Variants in CSTPP1 observed in about 807,000 individuals in gnomAD.
The protein encoded by CSTPP1 is UPF0705 protein C11orf49.
At chr11:46,945,529 C>T in the CSTPP1 span, among the ~76,000 whole-genome samples, 11 of 152,002 alleles carry the variant, frequency 7.2e-5, no homozygotes, top group East Asian at 1.9e-4. Flanking sequence ...GCATGAGAAT[C>T]GCTTGAACCC....
At chr11:46,956,676 AT>A in the CSTPP1 span, among the ~76,000 whole-genome samples, 3 of 150,936 alleles carry the variant, frequency 2.0e-5, no homozygotes, top group East Asian at 1.9e-4. Context: ...ATTAAAAACA[AT>A]TTTTTTTTGC....
At chr11:46,952,035 G>A in the CSTPP1 span, among the ~76,000 whole-genome samples, 2 of 152,124 alleles carry the variant, frequency 1.3e-5, no homozygotes, top group African/African-American at 4.8e-5. Flanking sequence ...ATTAGGGTGA[G>A]GGCTGAGCTG....
chr11:47,105,885 A>G, the CSTPP1 span, among the ~76,000 whole-genome samples: 1 of 152,380 alleles, frequency 6.6e-6, no homozygotes, highest in Non-Finnish European at 1.5e-5. Flanking sequence ...GTTCCCTGGA[A>G]GTAGAATCAG....
chr11:46,950,357 T>G, the CSTPP1 span, among the ~76,000 whole-genome samples: 2 of 151,614 alleles, frequency 1.3e-5, no homozygotes, highest in East Asian at 4.0e-4. Context: ...GTATTTTTAG[T>G]AGAGACGGAG....
At chr11:47,035,129 AGCTGCAGCAACT>A in the CSTPP1 span, among the ~76,000 whole-genome samples, 3 of 152,234 alleles carry the variant, frequency 2.0e-5, no homozygotes, top group African/African-American at 4.8e-5. Flanking sequence ...CTGCTGATGT[AGCTGCAGCAACT>A]GCTTCATGAA....
At chr11:47,141,972 C>T in the CSTPP1 span, among the ~76,000 whole-genome samples, 1 of 141,902 alleles carries the variant, frequency 7.0e-6, no homozygotes, top group Non-Finnish European at 1.5e-5. Context: ...CGACCAGGTG[C>T]AGTGGCTTAC....
At chr11:47,084,828 A>G in the CSTPP1 span, among the ~76,000 whole-genome samples, 1 of 152,088 alleles carries the variant, frequency 6.6e-6, no homozygotes, top group Non-Finnish European at 1.5e-5. Context: ...TTGCATTTCC[A>G]TATAAAATTT....
the CSTPP1 span, among the ~76,000 whole-genome samples, chr11:46,995,922 G>A: frequency 6.6e-6 from 1 of 152,180 alleles, no homozygotes; most frequent in Admixed American, 6.5e-5. Context: ...AAGTCTCTTT[G>A]TAGGTCTCTA....
At chr11:47,032,723 G>C in the CSTPP1 span, among the ~76,000 whole-genome samples, 2 of 152,006 alleles carry the variant, frequency 1.3e-5, no homozygotes, top group African/African-American at 4.8e-5. Flanking sequence ...CTGTGAATTG[G>C]ACAAAAGGAT....
the CSTPP1 span, among the ~76,000 whole-genome samples, chr11:46,990,293 A>G: frequency 6.6e-6 from 1 of 152,170 alleles, no homozygotes; most frequent in Non-Finnish European, 1.5e-5. Flanking sequence ...CAGCCTTGCC[A>G]GCATCTGTGT....
At chr11:47,161,538 C>G in the CSTPP1 span, 1 of 1,614,166 alleles carries the variant, frequency 6.2e-7, no homozygotes, top group Non-Finnish European at 8.5e-7. Flanking sequence ...TCCCGGACCC[C>G]TCCCCGGGTT....
At chr11:46,943,814 G>A in the CSTPP1 span, among the ~76,000 whole-genome samples, 1 of 152,036 alleles carries the variant, frequency 6.6e-6, no homozygotes, top group Non-Finnish European at 1.5e-5. Context: ...CTTGAGCCCA[G>A]GAGTTTGAGA....
At chr11:47,022,026 A>T in the CSTPP1 span, among the ~76,000 whole-genome samples, 1 of 149,942 alleles carries the variant, frequency 6.7e-6, no homozygotes, top group African/African-American at 2.4e-5. Context: ...TCTCTCAGCC[A>T]CATATATGGT....
chr11:46,951,385 C>G, the CSTPP1 span, among the ~76,000 whole-genome samples: 158 of 151,244 alleles, frequency 1.0e-3, no homozygotes, highest in Non-Finnish European at 1.9e-3. Context: ...TAGCCTCGAC[C>G]TCCTGAGCTC....
the CSTPP1 span, among the ~76,000 whole-genome samples, chr11:47,131,566 AT>A: frequency 6.6e-6 from 1 of 152,236 alleles, no homozygotes; most frequent in East Asian, 1.9e-4. Context: ...ACAGAAGAAT[AT>A]TTTGAGTCAG....
chr11:47,100,178 A>G, the CSTPP1 span, among the ~76,000 whole-genome samples: 2 of 152,180 alleles, frequency 1.3e-5, no homozygotes, highest in African/African-American at 4.8e-5. Context: ...TTATAGTTTC[A>G]TCTTCTTTGA....
the CSTPP1 span, among the ~76,000 whole-genome samples, chr11:47,129,390 C>T: frequency 2.8e-3 from 421 of 152,300 alleles, 3 homozygotes; most frequent in African/African-American, 9.4e-3. Context: ...GGGTAGGAAA[C>T]TGTGTCCATG....
At chr11:47,010,054 A>G in the CSTPP1 span, among the ~76,000 whole-genome samples, 1 of 152,244 alleles carries the variant, frequency 6.6e-6, no homozygotes, top group African/African-American at 2.4e-5. Flanking sequence ...ACTAGTGAGT[A>G]AACTTTGACA....
At chr11:47,137,980 G>A in the CSTPP1 span, 1 of 559,744 alleles carries the variant, frequency 1.8e-6, no homozygotes, top group South Asian at 2.3e-5. Flanking sequence ...GTGAGATGAA[G>A]AGGCAGAAAA....
Sources: gnomAD v4.1 joint callset for allele counts (sites outside exome capture counted in the v4.1 genomes callset) on GRCh38, gnomAD v4.1.1 for gene constraint, MANE v1.5 for transcripts, NCBI Gene and HGNC (gene_info 2026-07-23, HGNC 2026-07-21) for gene names.